Variants in HTR2A observed in about 807,000 individuals in gnomAD.
HTR2A encodes the protein 5-hydroxytryptamine receptor 2A.
In HTR2A, 14 loss-of-function variants were observed where a neutral mutation model predicts 31.0. That is an observed-to-expected ratio of 0.45 (90% CI 0.30 to 0.71). The LOEUF (loss-of-function observed/expected upper bound fraction) is 0.71, where lower values mean the gene tolerates loss of function less well. Among genes scored for constraint, HTR2A ranks in the 30% least tolerant of loss-of-function variants. HTR2A has a pLI of 0.09. For synonymous variants in HTR2A, 209 were observed against 225.2 expected, an observed-to-expected ratio of 0.93 and a Z score of 0.64; for missense variants, 442 against 573.3, an observed-to-expected ratio of 0.77 and a Z score of 2.34.
intron 3 of HTR2A, among the ~76,000 whole-genome samples, chr13:46,863,703 A>G (rs2138217570): frequency 6.6e-6 from 1 of 151,938 alleles, no homozygotes; most frequent in East Asian, 1.9e-4. Context: ...TGATCATTTG[A>G]AAATCAAAAC....
intron 3 of HTR2A, among the ~76,000 whole-genome samples, chr13:46,884,392 TC>T (rs1221722718): frequency 3.9e-5 from 6 of 152,240 alleles, no homozygotes; most frequent in Non-Finnish European, 8.8e-5. Context: ...TTCAAAATAT[TC>T]TGCAATTTAG....
chr13:46,840,427 T>G (rs960005508), intron 3 of HTR2A, among the ~76,000 whole-genome samples: 1 of 152,190 alleles, frequency 6.6e-6, no homozygotes, highest in Non-Finnish European at 1.5e-5. Context: ...TCCAAATAGC[T>G]CTGATAATAA....
intron 2 of HTR2A, among the ~76,000 whole-genome samples, chr13:46,894,577 A>C (rs1010963117): frequency 6.6e-6 from 1 of 152,212 alleles, no homozygotes; most frequent in African/African-American, 2.4e-5. Flanking sequence ...CTTAGCCCCT[A>C]AGACTTGACC....
At chr13:46,854,503 T>G (rs1259304917) in intron 3 of HTR2A, among the ~76,000 whole-genome samples, 1 of 152,212 alleles carries the variant, frequency 6.6e-6, no homozygotes, top group Non-Finnish European at 1.5e-5. Flanking sequence ...TTTGGTTCAT[T>G]TCAGACTTGG....
chr13:46,856,968 A>G (rs1189770326), intron 3 of HTR2A, among the ~76,000 whole-genome samples: 1 of 152,162 alleles, frequency 6.6e-6, no homozygotes, highest in South Asian at 2.1e-4. Flanking sequence ...TCAGGCTGCT[A>G]GAACGAACTG....
chr13:46,836,787 G>C (rs1187133960), intron 3 of HTR2A, among the ~76,000 whole-genome samples: 2 of 152,098 alleles, frequency 1.3e-5, no homozygotes, highest in African/African-American at 4.8e-5. Flanking sequence ...AGATCTAAAA[G>C]CCATGCACTC....
intron 3 of HTR2A, among the ~76,000 whole-genome samples, chr13:46,885,214 T>C (rs1950997307): frequency 6.6e-6 from 1 of 152,198 alleles, no homozygotes; most frequent in Non-Finnish European, 1.5e-5. Context: ...ATCAGATGAC[T>C]GAGATGGCTA....
intron 3 of HTR2A, among the ~76,000 whole-genome samples, chr13:46,862,313 A>G (rs1397860994): frequency 6.6e-6 from 1 of 152,222 alleles, no homozygotes; most frequent in Admixed American, 6.5e-5. Context: ...ATGTTTTTAT[A>G]TGCATCACAT....
intron 3 of HTR2A, among the ~76,000 whole-genome samples, chr13:46,837,641 T>G (rs1467117596): frequency 6.6e-6 from 1 of 152,138 alleles, no homozygotes; most frequent in Non-Finnish European, 1.5e-5. Context: ...ACTCTTGCCA[T>G]CCATCTGGAA....
intron 3 of HTR2A, among the ~76,000 whole-genome samples, chr13:46,862,897 C>T (rs1433483083): frequency 6.6e-6 from 1 of 152,218 alleles, no homozygotes; most frequent in African/African-American, 2.4e-5. Context: ...ACTTGACAGT[C>T]ATTTCTGTGT....
chr13:46,888,801 C>T (rs946916363), intron 3 of HTR2A, among the ~76,000 whole-genome samples: 10 of 151,962 alleles, frequency 6.6e-5, no homozygotes, highest in East Asian at 1.9e-4. Context: ...TTGCACTATC[C>T]GAGAAGTGTT....
At chr13:46,889,856 C>CT (rs1272618614) in intron 3 of HTR2A, among the ~76,000 whole-genome samples, 1 of 152,180 alleles carries the variant, frequency 6.6e-6, no homozygotes, top group Non-Finnish European at 1.5e-5. Context: ...TTAGATCTGC[C>CT]TTTTTCCTTT....
intron 3 of HTR2A, among the ~76,000 whole-genome samples, chr13:46,841,786 C>T (rs1566300345): frequency 6.6e-6 from 1 of 152,136 alleles, no homozygotes; most frequent in African/African-American, 2.4e-5. Context: ...TGAATTCTGG[C>T]TTGTAGATGG....
At chr13:46,839,541 A>T (rs1023618923) in intron 3 of HTR2A, among the ~76,000 whole-genome samples, 3 of 152,070 alleles carry the variant, frequency 2.0e-5, no homozygotes, top group African/African-American at 7.2e-5. Flanking sequence ...GAGACCTGAC[A>T]TCTCCTCTCA....
chr13:46,861,156 C>T (rs879420452), intron 3 of HTR2A, among the ~76,000 whole-genome samples: 13 of 152,004 alleles, frequency 8.6e-5, no homozygotes, highest in Admixed American at 2.6e-4. Context: ...AAGTCATAAA[C>T]GGAAAGCAGC....
rs1323703382 is a variant in HTR2A at position 46,832,360 on chromosome 13, T to C, written c.*2477A>G. 1.3e-5 allele frequency: 2 copies of C among 152,230 alleles called. No individual in the cohort carries two copies. The allele number at this position is 152,230 out of a possible 1,614,324, so 9.4% of individuals were successfully genotyped here. ...ATATTGAATAAAGTGCATGAGAACA[T>C]GTCTGTACATATATACAGCTACACA... On this transcript the variant is annotated 3_prime_UTR_variant, in exon 4 of 4. Transcript: ENST00000542664.
In HTR2A at chr13:46,884,257, G is replaced by A. The variant is rs117264760; in HGVS notation, c.613+8133C>T. Among the ~76,000 whole-genome samples the A allele has an allele frequency of 9.5e-3, 1,452 of 152,338 alleles. 14 individuals are homozygous for A. The highest frequency in any genetic ancestry group is 0.017 in the Middle Eastern group (5 of 294). On this transcript the variant is annotated intron_variant, in intron 3 of 3. Coordinates refer to ENST00000542664, the MANE Select transcript of HTR2A (RefSeq NM_000621.5). ...GAGGGCAATTTAAAACTTTCAAATTGTCTACTTCTTGAATTTTCCATTTAA... is the reference window on the plus strand; with the variant it reads ...GAGGGCAATTTAAAACTTTCAAATTATCTACTTCTTGAATTTTCCATTTAA...
chr13:46,835,548 G>A lies in HTR2A; in HGVS notation c.705C>T (p.Val235=), dbSNP rs1246658298. Residue 235 remains valine, a synonymous_variant, in exon 4 of 4, where the codon GTC becomes GTT. Coordinates refer to ENST00000542664, the MANE Select transcript of HTR2A (RefSeq NM_000621.5). The part of the protein sequence containing the change: ...GSCLLADDNF[V]LIGSFVSFFI... ...AAAATGACACAAAAGAGCCGATCAG[G>A]ACAAAGTTATCATCGGCGAGTAAGC... is the stretch of plus-strand genomic sequence containing the variant. 6.2e-7 allele frequency: 1 copy of A among 1,613,880 alleles called. No homozygotes were observed. The highest frequency in any genetic ancestry group is 8.5e-7 in the Non-Finnish European group (1 of 1,179,910).
At chr13:46,871,043 C>A (rs1044439730) in intron 3 of HTR2A, among the ~76,000 whole-genome samples, 2 of 152,198 alleles carry the variant, frequency 1.3e-5, no homozygotes, top group African/African-American at 4.8e-5. Flanking sequence ...TATGCCAGAG[C>A]AACTTCTCAT....
Sources: gnomAD v4.1 joint callset for allele counts (sites outside exome capture counted in the v4.1 genomes callset) on GRCh38, gnomAD v4.1.1 for gene constraint, MANE v1.5 for transcripts, NCBI Gene and HGNC (gene_info 2026-07-23, HGNC 2026-07-21) for gene names.